Variants in SOX5 observed in about 807,000 individuals in gnomAD.
SOX5 encodes SRY-box transcription factor 5, also known as transcription factor SOX-5.
In SOX5, 9 loss-of-function variants were observed where a neutral mutation model predicts 92.0. The ratio of observed to expected loss-of-function variants is 0.10; its 90% CI spans 0.06 to 0.17. The LOEUF is 0.17. Among genes scored for constraint, SOX5 ranks in the 10% least tolerant of loss-of-function variants. The probability of loss-of-function intolerance (pLI) is 1.00; values close to 1 mark genes in which losing one functional copy is unlikely to be tolerated. For missense variants in SOX5, 642 were observed against 944.5 expected (o/e 0.68, Z 4.20); for synonymous variants, 344 against 336.3 (o/e 1.02, Z -0.25).
intron 4 of SOX5, among the ~76,000 whole-genome samples, chr12:24,102,274 T>G (rs957295309): frequency 9.9e-5 from 15 of 152,166 alleles, no homozygotes; most frequent in African/African-American, 3.6e-4. Context: ...GTGGGATTGT[T>G]GATAATGTTC....
chr12:24,197,410 A>G (rs987299097), intron 4 of SOX5, among the ~76,000 whole-genome samples: 13 of 152,170 alleles, frequency 8.5e-5, no homozygotes, highest in African/African-American at 3.1e-4. Flanking sequence ...AAAAAAATAT[A>G]TATTCTCTAT....
At chr12:24,098,268 A>G (rs1945665248) in intron 4 of SOX5, among the ~76,000 whole-genome samples, 1 of 152,158 alleles carries the variant, frequency 6.6e-6, no homozygotes, top group Non-Finnish European at 1.5e-5. Flanking sequence ...ACAACCTTTA[A>G]TACTTCCAGC....
chr12:23,870,456 T>G (rs2096860711), intron 2 of SOX5, among the ~76,000 whole-genome samples: 1 of 152,116 alleles, frequency 6.6e-6, no homozygotes, highest in Admixed American at 6.5e-5. Flanking sequence ...CCTAGAGGCC[T>G]TTCAAATTCT....
intron 6 of SOX5, among the ~76,000 whole-genome samples, chr12:23,714,422 G>A (rs2092325706): frequency 6.6e-6 from 1 of 152,134 alleles, no homozygotes; most frequent in African/African-American, 2.4e-5. Flanking sequence ...AGGAGTTTAA[G>A]ACCAGCGTGG....
intron 13 of SOX5, among the ~76,000 whole-genome samples, chr12:23,542,190 C>G (rs999687598): frequency 6.6e-6 from 1 of 152,186 alleles, no homozygotes; most frequent in Non-Finnish European, 1.5e-5. Context: ...TTATAAACTC[C>G]GTGTAATTCC....
At chr12:24,447,952 G>A (rs1038575060) in intron 1 of SOX5, among the ~76,000 whole-genome samples, 14 of 152,170 alleles carry the variant, frequency 9.2e-5, no homozygotes, top group African/African-American at 2.4e-4. Flanking sequence ...TGGCCAAGGC[G>A]GGTAGATCAT....
At chr12:23,837,275 GTATTTA>G (rs1397607593) in intron 3 of SOX5, among the ~76,000 whole-genome samples, 51 of 71,304 alleles carry the variant, frequency 7.2e-4, no homozygotes, top group African/African-American at 1.9e-3. Flanking sequence ...TATATAATAT[GTATTTA>G]TATTTATATT....
intron 2 of SOX5, among the ~76,000 whole-genome samples, chr12:24,350,873 C>A (rs1184997942): frequency 6.6e-6 from 1 of 151,966 alleles, no homozygotes; most frequent in Non-Finnish European, 1.5e-5. Context: ...GCCAACATGA[C>A]GAAACCCTGT....
intron 1 of SOX5, among the ~76,000 whole-genome samples, chr12:24,424,774 T>C (rs1356552408): frequency 2.0e-5 from 3 of 150,444 alleles, no homozygotes; most frequent in Non-Finnish European, 4.4e-5. Context: ...TCAAATTGTA[T>C]GATCTGGGCT....
intron 1 of SOX5, among the ~76,000 whole-genome samples, chr12:24,543,452 C>T (rs980260445): frequency 1.5e-4 from 23 of 152,134 alleles, no homozygotes; most frequent in South Asian, 4.1e-4. Flanking sequence ...TTCGGGAGGC[C>T]GAGGCAGGAG....
At chr12:23,617,327 A>G (rs2076685887) in intron 8 of SOX5, among the ~76,000 whole-genome samples, 2 of 152,284 alleles carry the variant, frequency 1.3e-5, no homozygotes, top group Non-Finnish European at 2.9e-5. Context: ...CCTTGAAAAT[A>G]TCACTCTTGC....
intron 2 of SOX5, among the ~76,000 whole-genome samples, chr12:24,298,217 C>T (rs138183600): frequency 2.5e-4 from 38 of 152,096 alleles, no homozygotes; most frequent in Non-Finnish European, 5.1e-4. Context: ...CAAGCACGCA[C>T]CACCACCACG....
At chr12:23,634,233 T>C (rs2138516055) in intron 8 of SOX5, among the ~76,000 whole-genome samples, 1 of 152,226 alleles carries the variant, frequency 6.6e-6, no homozygotes, top group Middle Eastern at 3.4e-3. Context: ...ACAATTCTTG[T>C]CCTTGTGGGG....
chr12:23,646,491 A>G (rs116162858), intron 7 of SOX5, among the ~76,000 whole-genome samples: 1,678 of 152,260 alleles, frequency 0.011, 30 homozygotes, highest in African/African-American at 0.038. Flanking sequence ...TAAGACAACA[A>G]TGAAGTTTGC....
At chr12:23,810,373 C>T (rs2095856130) in intron 3 of SOX5, among the ~76,000 whole-genome samples, 1 of 152,040 alleles carries the variant, frequency 6.6e-6, no homozygotes, top group Admixed American at 6.6e-5. Context: ...TTTAAAAAGC[C>T]CACAAATTGT....
At chr12:23,690,596 C>G (rs1358541700) in intron 6 of SOX5, among the ~76,000 whole-genome samples, 2 of 151,954 alleles carry the variant, frequency 1.3e-5, no homozygotes, top group East Asian at 1.9e-4. Flanking sequence ...TTTTTTCACT[C>G]AGCCACCAGG....
intron 1 of SOX5, among the ~76,000 whole-genome samples, chr12:24,396,722 GT>G (rs150743341): frequency 6.6e-6 from 1 of 152,198 alleles, no homozygotes; most frequent in African/African-American, 2.4e-5. Context: ...AAATGGATGT[GT>G]TAAAAAAGCG....
intron 3 of SOX5, among the ~76,000 whole-genome samples, chr12:24,233,198 T>C (rs1232894087): frequency 1.3e-5 from 2 of 151,646 alleles, no homozygotes; most frequent in African/African-American, 4.8e-5. Context: ...AATGAGAAAA[T>C]GGATAATGTT....
At chr12:23,979,698 GTTTTTTTTGTTTTTTTTT>G (rs1217979371) in intron 4 of SOX5, among the ~76,000 whole-genome samples, 5 of 64,706 alleles carry the variant, frequency 7.7e-5, no homozygotes, top group South Asian at 6.4e-4. Flanking sequence ...ATATATATAT[GTTTTTTTTGTTTTTTTTT>G]TTTTTTTTTT....
Sources: gnomAD v4.1 joint callset for allele counts (sites outside exome capture counted in the v4.1 genomes callset) on GRCh38, gnomAD v4.1.1 for gene constraint, MANE v1.5 for transcripts, NCBI Gene and HGNC (gene_info 2026-07-23, HGNC 2026-07-21) for gene names.